ST6GALNAC5: variants seen among roughly 807,000 people sequenced by gnomAD.
The protein encoded by ST6GALNAC5 is alpha-N-acetylgalactosaminide alpha-2,6-sialyltransferase 5.
Under a neutral mutation model 33.6 loss-of-function variants are expected in ST6GALNAC5, and 27 were observed. That is an observed-to-expected ratio of 0.80 (90% CI 0.59 to 1.11). The LOEUF (loss-of-function observed/expected upper bound fraction) is 1.11, where lower values mean the gene tolerates loss of function less well. ST6GALNAC5 is among the 50% of genes least tolerant of loss of function. ST6GALNAC5 has a pLI of 0.00. For missense variants in ST6GALNAC5, 428 were observed against 454.0 expected (o/e 0.94, Z 0.52); for synonymous variants, 194 against 171.2 (o/e 1.13, Z -1.04).
rs1258692118 is a variant in ST6GALNAC5, at chr1:76,974,562, T to C, written c.262-69642T>C. Among the ~76,000 whole-genome samples, 4 of 151,810 alleles carry C rather than the reference T, an allele frequency of 2.6e-5. No individual in the cohort carries two copies. The East Asian group carries it at 7.7e-4, about 29-fold the overall frequency. On this transcript the variant is annotated intron_variant, in intron 2 of 4. Coordinates refer to ENST00000477717, the MANE Select transcript of ST6GALNAC5 (RefSeq NM_030965.3). ...TTTCTTCTTGATATAAGTCTGTAAA[T>C]TTTCTTGGTACATTTTTGCATAGTT...
At chr1:77,007,432 A>G (rs1204010337) in intron 2 of ST6GALNAC5, among the ~76,000 whole-genome samples, 1 of 152,172 alleles carries the variant, frequency 6.6e-6, no homozygotes, top group Non-Finnish European at 1.5e-5. Context: ...GTATACAGCT[A>G]TTGACAAAAT....
intron 2 of ST6GALNAC5, among the ~76,000 whole-genome samples, chr1:77,027,129 C>G (rs1651272200): frequency 6.6e-6 from 1 of 152,234 alleles, no homozygotes; most frequent in African/African-American, 2.4e-5. Context: ...CTCCACTGCT[C>G]AGTGCTTCTG....
chr1:76,897,607 C>T (rs774570320), intron 2 of ST6GALNAC5, among the ~76,000 whole-genome samples: 3 of 151,596 alleles, frequency 2.0e-5, no homozygotes, highest in Non-Finnish European at 4.4e-5. Context: ...GTATCTTATA[C>T]TTGTGGGTTA....
At chr1:76,885,945 G>A (rs1295237188) in intron 2 of ST6GALNAC5, among the ~76,000 whole-genome samples, 1 of 152,184 alleles carries the variant, frequency 6.6e-6, no homozygotes, top group South Asian at 2.1e-4. Flanking sequence ...TATGGCCTGC[G>A]ATAACCTGAC....
intron 2 of ST6GALNAC5, among the ~76,000 whole-genome samples, chr1:76,943,845 A>G (rs1263326339): frequency 6.6e-6 from 1 of 152,148 alleles, no homozygotes; most frequent in Non-Finnish European, 1.5e-5. Flanking sequence ...GAAACTACTT[A>G]TAAAATATGA....
chr1:77,010,244 C>A (rs1281943061), intron 2 of ST6GALNAC5, among the ~76,000 whole-genome samples: 1 of 152,162 alleles, frequency 6.6e-6, no homozygotes, highest in South Asian at 2.1e-4. Context: ...CCTGTAATCC[C>A]AGCACATTGG....
chr1:76,972,773 T>G (rs1364894431), intron 2 of ST6GALNAC5, among the ~76,000 whole-genome samples: 2 of 152,168 alleles, frequency 1.3e-5, no homozygotes, highest in African/African-American at 4.8e-5. Context: ...TTATACCATT[T>G]TGCACTCCCA....
chr1:76,899,713 AAAGG>A (rs1302161733), intron 2 of ST6GALNAC5, among the ~76,000 whole-genome samples: 3 of 152,178 alleles, frequency 2.0e-5, no homozygotes, highest in Non-Finnish European at 4.4e-5. Flanking sequence ...CCAGAAAATG[AAAGG>A]AATTGAAATT....
chr1:76,984,818 C>T (rs533730428), intron 2 of ST6GALNAC5, among the ~76,000 whole-genome samples: 1 of 152,098 alleles, frequency 6.6e-6, no homozygotes, highest in Non-Finnish European at 1.5e-5. Context: ...TTATGCACTA[C>T]GATCAAGTCA....
Position 76,941,872 on chromosome 1 carries a change from A to G in ST6GALNAC5, c.261+73130A>G, listed in dbSNP as rs1258901401. On this transcript the variant is annotated intron_variant, in intron 2 of 4. Transcript: ENST00000477717. ...ACCAGGTATGTGGCAATTTGTTACG[A>G]CTGCCTCAGAAAACTAATACACCTG... Among the ~76,000 whole-genome samples, 11 of 152,086 alleles carry G rather than the reference A, an allele frequency of 7.2e-5. 1 individual carries two copies. The highest frequency in any genetic ancestry group is 8.8e-5 in the Non-Finnish European group (6 of 67,988).
Position 77,067,092 on chromosome 1 carries a change from TGG to T in ST6GALNAC5, c.*3888_*3889del, listed in dbSNP as rs1652803417. ...TTCAGTGCTAAAACCAGGGAAGTCC[TGG>T]GCTCCATGACAGTGGCTCACCCTAT... On this transcript the variant is annotated 3_prime_UTR_variant, in exon 5 of 5. Coordinates refer to ENST00000477717, the MANE Select transcript of ST6GALNAC5 (RefSeq NM_030965.3). Among the ~76,000 whole-genome samples, 2 of 152,296 alleles carry T rather than the reference TGG, an allele frequency of 1.3e-5. No individual in the cohort carries two copies. Among genetic ancestry groups the T allele is most frequent in the African/African-American group, 2.4e-5 (1 of 41,560 alleles).
At chr1:76,980,575 G>A (rs763933569) in intron 2 of ST6GALNAC5, among the ~76,000 whole-genome samples, 24 of 152,272 alleles carry the variant, frequency 1.6e-4, no homozygotes, top group South Asian at 6.2e-4. Context: ...CCTACTGGAT[G>A]TGTCAAAAAC....
intron 2 of ST6GALNAC5, among the ~76,000 whole-genome samples, chr1:77,007,054 T>G (rs1031496449): frequency 2.6e-4 from 39 of 152,290 alleles, no homozygotes; most frequent in African/African-American, 8.4e-4. Context: ...AGTCTTTGCC[T>G]ATATTATGTT....
chr1:76,973,826 ATCT>A (rs1648868806), intron 2 of ST6GALNAC5, among the ~76,000 whole-genome samples: 1 of 152,186 alleles, frequency 6.6e-6, no homozygotes, highest in Admixed American at 6.5e-5. Flanking sequence ...AATCATGATC[ATCT>A]TCTTCTGATT....
intron 2 of ST6GALNAC5, among the ~76,000 whole-genome samples, chr1:76,924,494 C>T (rs570137646): frequency 9.9e-5 from 15 of 152,222 alleles, no homozygotes; most frequent in African/African-American, 3.6e-4. Context: ...ATGGAGGATA[C>T]CAAGGCATTT....
intron 2 of ST6GALNAC5, among the ~76,000 whole-genome samples, chr1:77,013,601 G>A (rs1300013743): frequency 6.6e-6 from 1 of 152,186 alleles, no homozygotes; most frequent in Non-Finnish European, 1.5e-5. Context: ...CCCAGTGTGA[G>A]GAGAAGCCAT....
At chr1:76,988,437 T>C (rs1200586105) in intron 2 of ST6GALNAC5, among the ~76,000 whole-genome samples, 1 of 152,112 alleles carries the variant, frequency 6.6e-6, no homozygotes, top group Non-Finnish European at 1.5e-5. Context: ...ATTAGTTATC[T>C]TTATAGTTAT....
chr1:76,886,940 T>G (rs1653909160), intron 2 of ST6GALNAC5, among the ~76,000 whole-genome samples: 2 of 152,268 alleles, frequency 1.3e-5, no homozygotes, highest in South Asian at 4.1e-4. Flanking sequence ...TACTTTGTTT[T>G]TCCATTCATT....
At chr1:76,891,756 C>T (rs961432599) in intron 2 of ST6GALNAC5, among the ~76,000 whole-genome samples, 1 of 152,148 alleles carries the variant, frequency 6.6e-6, no homozygotes, top group Non-Finnish European at 1.5e-5. Flanking sequence ...TAATTGTATA[C>T]ATGATGTGAC....
Sources: allele counts gnomAD v4.1 joint callset (sites outside exome capture counted in the v4.1 genomes callset), GRCh38; gene constraint gnomAD v4.1.1; transcripts MANE v1.5; gene names NCBI Gene and HGNC (gene_info 2026-07-23, HGNC 2026-07-21).